Variants in SHTN1 observed in about 807,000 individuals in gnomAD.
SHTN1 encodes the protein shootin 1.
SHTN1 carries 42 observed loss-of-function variants against 83.1 expected under a neutral mutation model. The observed-to-expected ratio is 0.51, with a 90% CI of 0.39 to 0.65. The LOEUF (loss-of-function observed/expected upper bound fraction) is 0.65. Ranked by LOEUF, SHTN1 falls within the 30% of genes least tolerant of loss-of-function variation. SHTN1 has a pLI of 0.00. For missense variants in SHTN1, 622 were observed against 737.8 expected (o/e 0.84, Z 1.82); for synonymous variants, 224 against 247.7 (o/e 0.90, Z 0.90).
intron 16 of SHTN1, among the ~76,000 whole-genome samples, chr10:116,893,420 A>C (rs1312629913): frequency 6.6e-6 from 1 of 152,196 alleles, no homozygotes; most frequent in African/African-American, 2.4e-5. Flanking sequence ...ATTACAGTTG[A>C]GAGCAGAGCA....
chr10:116,974,834 A>G (rs969689104), intron 2 of SHTN1, among the ~76,000 whole-genome samples: 1 of 149,928 alleles, frequency 6.7e-6, no homozygotes, highest in Middle Eastern at 3.4e-3. Flanking sequence ...TTCCCCCCAT[A>G]TAGGAAAAAA....
intron 16 of SHTN1, among the ~76,000 whole-genome samples, chr10:116,887,814 A>G (rs1847213823): frequency 6.6e-6 from 1 of 152,314 alleles, no homozygotes; most frequent in African/African-American, 2.4e-5. Flanking sequence ...AAATACTAAT[A>G]AACTGAAGGG....
At chr10:117,045,990 T>C (rs555563379) in intron 2 of SHTN1, among the ~76,000 whole-genome samples, 4 of 152,256 alleles carry the variant, frequency 2.6e-5, no homozygotes, top group African/African-American at 9.6e-5. Context: ...GAAAACTGTC[T>C]TTCACAGGCT....
chr10:116,913,044 A>G (rs1388692364), intron 13 of SHTN1, among the ~76,000 whole-genome samples: 1 of 152,170 alleles, frequency 6.6e-6, no homozygotes, highest in African/African-American at 2.4e-5. Flanking sequence ...AATTTGAACC[A>G]CACTAGCACC....
chr10:117,066,379 A>T (rs1245453644), intron 1 of SHTN1, among the ~76,000 whole-genome samples: 4 of 152,174 alleles, frequency 2.6e-5, no homozygotes, highest in African/African-American at 7.2e-5. Context: ...CCTTGGAGAG[A>T]GAGAGAAAGA....
At chr10:116,985,586 A>G (rs543375270) in intron 1 of SHTN1, among the ~76,000 whole-genome samples, 1 of 152,202 alleles carries the variant, frequency 6.6e-6, no homozygotes. Context: ...CAAATCATGA[A>G]AGAGAACATA....
chr10:116,937,436 G>A (rs924296756), intron 9 of SHTN1, among the ~76,000 whole-genome samples: 6 of 152,146 alleles, frequency 3.9e-5, no homozygotes, highest in Non-Finnish European at 8.8e-5. Context: ...AGTTTGGCTG[G>A]ATATGAAATT....
chr10:117,070,092 A>G (rs1436158632), intron 1 of SHTN1, among the ~76,000 whole-genome samples: 1 of 149,438 alleles, frequency 6.7e-6, no homozygotes, highest in Non-Finnish European at 1.5e-5. Context: ...AAAGTATTAA[A>G]AGCCATGGGA....
chr10:116,978,017 C>T (rs1850871599), intron 2 of SHTN1, among the ~76,000 whole-genome samples: 2 of 152,014 alleles, frequency 1.3e-5, no homozygotes, highest in Admixed American at 6.6e-5. Context: ...CCTACCATTC[C>T]CTGAATCACC....
intron 14 of SHTN1, 79 bp from the exon 15 acceptor site, chr10:116,906,826 A>C: frequency 8.6e-7 from 1 of 1,157,260 alleles, no homozygotes; most frequent in Non-Finnish European, 1.2e-6. Flanking sequence ...TCAAACCATG[A>C]AAACATTACC....
intron 9 of SHTN1, among the ~76,000 whole-genome samples, chr10:116,932,609 G>A (rs186242159): frequency 5.9e-5 from 9 of 152,228 alleles, no homozygotes; most frequent in Non-Finnish European, 1.2e-4. Context: ...TAAGTGTTCC[G>A]AGTATGTTTA....
At chr10:116,900,120 T>C (rs1189633516) in intron 16 of SHTN1, among the ~76,000 whole-genome samples, 1 of 152,250 alleles carries the variant, frequency 6.6e-6, no homozygotes, top group African/African-American at 2.4e-5. Context: ...AAAGGTGCTC[T>C]TATTTGGTAA....
chr10:116,959,117 C>A (rs1411904762), intron 4 of SHTN1, among the ~76,000 whole-genome samples: 1 of 152,122 alleles, frequency 6.6e-6, no homozygotes, highest in African/African-American at 2.4e-5. Flanking sequence ...ACATTACGGA[C>A]TAGTGAACTC....
At chr10:117,038,008 A>AG (rs1347836759) in intron 2 of SHTN1, among the ~76,000 whole-genome samples, 2 of 151,576 alleles carry the variant, frequency 1.3e-5, no homozygotes, top group African/African-American at 4.8e-5. Context: ...CAAAAAAAAA[A>AG]AAAAAAAAAA....
chr10:116,939,587 G>A (rs1161598695), intron 9 of SHTN1, among the ~76,000 whole-genome samples: 3 of 152,172 alleles, frequency 2.0e-5, no homozygotes, highest in East Asian at 1.9e-4. Flanking sequence ...GCTGCAGACC[G>A]GAGCTGTTCG....
Position 116,901,829 on chromosome 10 carries a change from T to C in SHTN1, c.1609A>G (p.Thr537Ala), listed in dbSNP as rs1282404145. 2 of 1,603,298 alleles carry C rather than the reference T, an allele frequency of 1.2e-6. No homozygotes were observed. Among genetic ancestry groups the C allele is most frequent in the Non-Finnish European group, 1.7e-6 (2 of 1,177,182 alleles). The change falls in exon 16 of 17, where the codon ACA (threonine) becomes GCA (alanine). Residue 537 changes from threonine to alanine, a missense_variant. Thr to Ala is a moderately conservative substitution (Grantham distance 58). Transcript: ENST00000355371. ...EAEFNSPSPP[T>A]PEPGEGPRKL... ...CGGGGCCCTTCACCTGGCTCAGGTG[T>C]TGGGGGGGACGGGCTGTTGAATTCT...
intron 16 of SHTN1, among the ~76,000 whole-genome samples, chr10:116,890,780 C>G (rs543296675): frequency 2.6e-5 from 4 of 152,374 alleles, no homozygotes; most frequent in African/African-American, 9.6e-5. Context: ...AAAGACCTGA[C>G]TCCAAACCAT....
chr10:116,946,540 TATAA>T (rs1359421804), intron 7 of SHTN1, among the ~76,000 whole-genome samples: 3 of 131,234 alleles, frequency 2.3e-5, no homozygotes, highest in Admixed American at 8.5e-5. Flanking sequence ...ATGATTTATA[TATAA>T]ATATATAAAA....
intron 1 of SHTN1, among the ~76,000 whole-genome samples, chr10:117,069,408 G>T (rs111822756): frequency 6.6e-6 from 1 of 152,026 alleles, no homozygotes; most frequent in Non-Finnish European, 1.5e-5. Context: ...AAGGGGAGGT[G>T]AGGAGAGCTG....
Sources: gnomAD v4.1 joint callset for allele counts (sites outside exome capture counted in the v4.1 genomes callset) on GRCh38, gnomAD v4.1.1 for gene constraint, MANE v1.5 for transcripts, NCBI Gene and HGNC (gene_info 2026-07-23, HGNC 2026-07-21) for gene names.